Variants in SCN9A observed in about 807,000 individuals in gnomAD.
SCN9A encodes the protein sodium channel protein type 9 subunit alpha.
In SCN9A, 131 loss-of-function variants were observed where a neutral mutation model predicts 187.0. That is an observed-to-expected ratio of 0.70 (90% CI 0.61 to 0.81). The LOEUF is 0.81. Among genes scored for constraint, SCN9A ranks in the 30% least tolerant of loss-of-function variants. The pLI, the probability that SCN9A is intolerant of heterozygous loss-of-function variation, is 0.00. For synonymous variants in SCN9A, 809 were observed against 808.6 expected (o/e 1.00, Z -0.01); for missense variants, 2,252 against 2,396.6 (o/e 0.94, Z 1.26).
chr2:166,212,556 C>T (rs538137120), intron 24 of SCN9A, among the ~76,000 whole-genome samples: 1 of 152,212 alleles, frequency 6.6e-6, no homozygotes, highest in Admixed American at 6.5e-5. Flanking sequence ...ACATCAATAC[C>T]CGACTTGCAA....
chr2:166,334,904 A>G (rs1699591328), intron 1 of SCN9A, among the ~76,000 whole-genome samples: 1 of 152,136 alleles, frequency 6.6e-6, no homozygotes, highest in Non-Finnish European at 1.5e-5. Context: ...CTTCATCTGA[A>G]TTTCTTTCAA....
chr2:166,238,270 G>T lies in SCN9A; in HGVS notation c.3628-3C>A. The T allele has an allele frequency of 6.5e-7, 1 of 1,532,048 alleles. No homozygotes were observed. The highest frequency in any genetic ancestry group is 1.3e-5 in the South Asian group (1 of 77,630). The allele number at this position is 1,532,048 out of a possible 1,614,324, so 94.9% of individuals were successfully genotyped here. ...TCAATATAAATATCTTCAAAAGCCTGTGGAAATAATATTCAAGTTTCAATC... is the reference window on the plus strand; with the variant it reads ...TCAATATAAATATCTTCAAAAGCCTTTGGAAATAATATTCAAGTTTCAATC... On this transcript the variant is annotated splice_polypyrimidine_tract_variant and splice_region_variant and intron_variant, in intron 19 of 26. Coordinates refer to ENST00000642356, the MANE Select transcript of SCN9A (RefSeq NM_001365536.1).
Position 166,356,984 on chromosome 2 carries a change from A to G in SCN9A, c.-51+18713T>C, listed in dbSNP as rs182496397. 1.4e-3 allele frequency among the ~76,000 whole-genome samples: 217 copies of G among 152,006 alleles called. 2 individuals carry two copies. Among genetic ancestry groups the G allele is most frequent in the African/African-American group, 5.0e-3 (206 of 41,454 alleles). ...TTTTTGTAACTTTTATTTTAAGTTC[A>G]GGGGTACATGCACAGGTTTGTTACA... On this transcript the variant is annotated intron_variant, in intron 1 of 26. Coordinates refer to ENST00000642356, the MANE Select transcript of SCN9A (RefSeq NM_001365536.1).
chr2:166,202,725 T>G (rs1375098634), intron 26 of SCN9A, among the ~76,000 whole-genome samples: 1 of 151,794 alleles, frequency 6.6e-6, no homozygotes, highest in East Asian at 1.9e-4. Context: ...ATAATTTACT[T>G]TATTTTTATT....
intron 7 of SCN9A, among the ~76,000 whole-genome samples, chr2:166,297,829 G>T (rs1044194721): frequency 1.1e-4 from 16 of 151,994 alleles, no homozygotes; most frequent in African/African-American, 3.9e-4. Context: ...GTTGTGGGTG[G>T]GGGTAAATAA....
At chr2:166,306,004 AAC>A (rs1242131807) in intron 4 of SCN9A, 84 bp from the exon 5 acceptor site, 10 of 1,520,286 alleles carry the variant, frequency 6.6e-6, no homozygotes, top group Non-Finnish European at 5.4e-6. Flanking sequence ...TTCTCTAATT[AAC>A]CACTGGAAGA....
At chr2:166,370,232 A>ATCATCATCCTC (rs1553507732) in intron 1 of SCN9A, among the ~76,000 whole-genome samples, 1 of 137,306 alleles carries the variant, frequency 7.3e-6, no homozygotes, top group African/African-American at 2.7e-5. Context: ...TAATAATAAT[A>ATCATCATCCTC]ATAATCATCA....
chr2:166,287,196 A>G (rs975266713), intron 10 of SCN9A, among the ~76,000 whole-genome samples: 7 of 152,150 alleles, frequency 4.6e-5, no homozygotes, highest in Admixed American at 1.3e-4. Context: ...ACACTAAAAA[A>G]TTCTTGTAAA....
chr2:166,291,367 C>A (rs1698061241), intron 9 of SCN9A, among the ~76,000 whole-genome samples: 1 of 152,010 alleles, frequency 6.6e-6, no homozygotes, highest in Non-Finnish European at 1.5e-5. Context: ...ATACAGCTTA[C>A]AAAGGATATG....
rs33924683 is a variant in SCN9A, at chr2:166,228,247, C to CTTTT, written c.4206+440_4206+443dup. ...GAACATGTTCTAGGAAAGACCAACA[C>CTTTT]TTTTTTTTTTTTTTTTTTTTTTTTT... On this transcript the variant is annotated intron_variant, in intron 22 of 26. Transcript: ENST00000642356. Among the ~76,000 whole-genome samples the CTTTT allele has an allele frequency of 9.0e-3, 773 of 85,998 alleles. 136 individuals carry two copies. Among genetic ancestry groups the CTTTT allele is most frequent in the East Asian group, 0.078 (169 of 2,168 alleles). 56.4% of individuals were successfully genotyped at this position (85,998 alleles called of 152,430 possible). A position where few individuals can be genotyped will look rare whatever the true frequency, so the allele number is the denominator to read the frequency against.
In SCN9A at chr2:166,307,068, T is replaced by A. The variant is rs201577842; in HGVS notation, c.265A>T (p.Ile89Leu). ...ATTGTTTTCCCTTTGTTCAATACTATGAAAGTCTGCAGGAGGAAAAAGAAA... is the reference window on the plus strand; with the variant it reads ...ATTGTTTTCCCTTTGTTCAATACTAAGAAAGTCTGCAGGAGGAAAAAGAAA... Reference protein sequence around the residue: ...DPYYADKKTFIVLNKGKTIFR... With the variant: ...DPYYADKKTFLVLNKGKTIFR... Residue 89 changes from isoleucine to leucine, a missense_variant, in exon 3 of 27, where the codon ATA (isoleucine) becomes TTA (leucine). Around this residue, in one of 7 missense-constraint regions of SCN9A, gnomAD observed 1,013 missense variants for 997.4 expected, o/e 1.02. Coordinates refer to ENST00000642356, the MANE Select transcript of SCN9A (RefSeq NM_001365536.1). 4.5e-6 allele frequency: 7 copies of A among 1,572,702 alleles called. No homozygotes were observed. The highest frequency in any genetic ancestry group is 1.4e-5 in the African/African-American group (1 of 74,002).
At chr2:166,256,458 A>G (rs1279365680) in intron 17 of SCN9A, among the ~76,000 whole-genome samples, 1 of 151,412 alleles carries the variant, frequency 6.6e-6, no homozygotes, top group African/African-American at 2.4e-5. Context: ...AATACTCCAG[A>G]TATTATTGAT....
Position 166,280,518 on chromosome 2 carries a change from G to T in SCN9A, c.2182C>A (p.Pro728Thr). 1 of 1,591,186 alleles carries T rather than the reference G, an allele frequency of 6.3e-7. No homozygotes were observed. The highest frequency in any genetic ancestry group is 1.1e-5 in the South Asian group (1 of 87,810). The change falls in exon 14 of 27, where the codon CCA becomes ACA. Residue 728 changes from proline to threonine, a missense_variant. Around this residue, in one of 7 missense-constraint regions of SCN9A, gnomAD observed 1,013 missense variants for 997.4 expected, o/e 1.02. Transcript: ENST00000642356. ...AHKFLIWNCS[P>T]YWIKFKKCIY... is the part of the protein sequence containing the mutation. Reference sequence around the variant, plus strand: ...CACTTTTTGAATTTTATCCAATATGGAGAGCAATTCCAGATCAAGAATTTG... The same window carrying T: ...CACTTTTTGAATTTTATCCAATATGTAGAGCAATTCCAGATCAAGAATTTG...
intron 1 of SCN9A, among the ~76,000 whole-genome samples, chr2:166,371,993 C>A (rs1700574976): frequency 6.6e-6 from 1 of 152,006 alleles, no homozygotes; most frequent in Admixed American, 6.6e-5. Flanking sequence ...AAATTTTCAA[C>A]CAAATGTTAA....
intron 1 of SCN9A, among the ~76,000 whole-genome samples, chr2:166,354,805 C>T (rs1458593807): frequency 1.3e-5 from 2 of 152,016 alleles, no homozygotes; most frequent in African/African-American, 2.4e-5. Context: ...CATTTATTTG[C>T]AGAAAGTTGC....
At chr2:166,338,554 C>T (rs1699687114) in intron 1 of SCN9A, among the ~76,000 whole-genome samples, 1 of 151,846 alleles carries the variant, frequency 6.6e-6, no homozygotes, top group African/African-American at 2.4e-5. Flanking sequence ...TCCCTTGTAC[C>T]CCCTGCCCCA....
chr2:166,362,397 T>C (rs1384118237), intron 1 of SCN9A, among the ~76,000 whole-genome samples: 1 of 152,046 alleles, frequency 6.6e-6, no homozygotes, highest in Non-Finnish European at 1.5e-5. Flanking sequence ...AAATGCATTC[T>C]CTTTCTGTTG....
At chr2:166,314,330 A>G (rs1257475794) in intron 1 of SCN9A, among the ~76,000 whole-genome samples, 1 of 152,214 alleles carries the variant, frequency 6.6e-6, no homozygotes, top group African/African-American at 2.4e-5. Context: ...ATTTTGATGG[A>G]AACCAAAGTT....
intron 26 of SCN9A, 90 bp from the exon 27 acceptor site, chr2:166,199,954 A>G (rs1693407291): frequency 5.6e-6 from 2 of 354,458 alleles, no homozygotes; most frequent in East Asian, 1.3e-4. Flanking sequence ...CTGTCAACTC[A>G]TTTCTTATGA....
Sources: gnomAD v4.1 joint callset for allele counts (sites outside exome capture counted in the v4.1 genomes callset) on GRCh38, gnomAD v4.1.1 for gene constraint, gnomAD v4.1.1 regional missense constraint, MANE v1.5 for transcripts, NCBI Gene and HGNC (gene_info 2026-07-23, HGNC 2026-07-21) for gene names.